The following UNC5C variants were observed in gnomAD, a reference collection of about 807,000 sequenced individuals.
UNC5C encodes netrin receptor UNC5C.
In UNC5C, 47 loss-of-function variants were observed where a neutral mutation model predicts 99.8. That is an observed-to-expected ratio of 0.47 (90% CI 0.37 to 0.60). The LOEUF (loss-of-function observed/expected upper bound fraction) is 0.60. Ranked by LOEUF, UNC5C falls within the 20% of genes least tolerant of loss-of-function variation. The pLI is 0.00. For missense variants in UNC5C, 1,062 were observed against 1,165.9 expected (o/e 0.91, Z 1.30); for synonymous variants, 487 against 452.2 (o/e 1.08, Z -0.98).
At chr4:95,372,213 A>G (rs948118293) in intron 1 of UNC5C, among the ~76,000 whole-genome samples, 4 of 152,228 alleles carry the variant, frequency 2.6e-5, no homozygotes, top group African/African-American at 7.2e-5. Context: ...TTCACTAAAT[A>G]TGCCCGTATT....
chr4:95,272,318 A>G lies in UNC5C; in HGVS notation c.594+5941T>C, dbSNP rs1579286179. Among the ~76,000 whole-genome samples, 2 of 152,352 alleles carry G rather than the reference A, an allele frequency of 1.3e-5. 1 individual carries two copies. The highest frequency in any genetic ancestry group is 4.1e-4 in the South Asian group (2 of 4,828). On this transcript the variant is annotated intron_variant, in intron 4 of 15. Transcript: ENST00000453304. The stretch of plus-strand genomic sequence containing the variant: ...GAATTGATGATTTTTAGAAATCTGC[A>G]TTTTATACTATAGGCTTAAAGCAAC...
chr4:95,202,159 C>G (rs1403175334), intron 12 of UNC5C, among the ~76,000 whole-genome samples: 1 of 152,204 alleles, frequency 6.6e-6, no homozygotes, highest in Non-Finnish European at 1.5e-5. Context: ...TGGCATACTT[C>G]TTTTATTCCT....
chr4:95,482,360 C>G (rs1213687719), intron 1 of UNC5C, among the ~76,000 whole-genome samples: 1 of 152,048 alleles, frequency 6.6e-6, no homozygotes, highest in Non-Finnish European at 1.5e-5. Flanking sequence ...CAGGAAACAA[C>G]AGGTGCTGGA....
chr4:95,234,213 A>T (rs990739918), intron 7 of UNC5C, among the ~76,000 whole-genome samples: 2 of 152,168 alleles, frequency 1.3e-5, no homozygotes, highest in Non-Finnish European at 2.9e-5. Flanking sequence ...GGGATGATAT[A>T]AAGAAACCTA....
At chr4:95,175,709 A>T (rs1056620577) in intron 14 of UNC5C, among the ~76,000 whole-genome samples, 2 of 152,060 alleles carry the variant, frequency 1.3e-5, no homozygotes, top group Admixed American at 6.6e-5. Context: ...GGTGAATCTG[A>T]CAATTATGTG....
At chr4:95,224,851 A>AT (rs1738618342) in intron 7 of UNC5C, among the ~76,000 whole-genome samples, 2 of 123,268 alleles carry the variant, frequency 1.6e-5, no homozygotes, top group East Asian at 3.9e-4. Context: ...ATTAAGGAAG[A>AT]ATTTTTTTTT....
chr4:95,487,861 C>T (rs1243944160), intron 1 of UNC5C, among the ~76,000 whole-genome samples: 1 of 151,678 alleles, frequency 6.6e-6, no homozygotes, highest in Non-Finnish European at 1.5e-5. Context: ...TACTTTATGA[C>T]CTTGCATTCC....
chr4:95,285,815 C>T (rs1011097961), intron 3 of UNC5C, among the ~76,000 whole-genome samples: 32 of 152,072 alleles, frequency 2.1e-4, no homozygotes, highest in South Asian at 6.2e-4. Context: ...TGTAAGGATG[C>T]GGGTATGTGT....
At chr4:95,456,947 A>G (rs903442657) in intron 1 of UNC5C, among the ~76,000 whole-genome samples, 1 of 152,134 alleles carries the variant, frequency 6.6e-6, no homozygotes, top group Non-Finnish European at 1.5e-5. Context: ...AACATGGGCA[A>G]TAAGATGTTA....
intron 1 of UNC5C, among the ~76,000 whole-genome samples, chr4:95,544,170 C>T (rs149834101): frequency 2.7e-4 from 41 of 152,204 alleles, no homozygotes; most frequent in South Asian, 1.7e-3. Context: ...AACTAAGGCA[C>T]GGAAACGTTA....
At chr4:95,433,209 TTAAG>T (rs1374073069) in intron 1 of UNC5C, among the ~76,000 whole-genome samples, 1 of 152,114 alleles carries the variant, frequency 6.6e-6, no homozygotes, top group African/African-American at 2.4e-5. Context: ...ATTTGATAGT[TTAAG>T]TAATGTAAAA....
intron 4 of UNC5C, among the ~76,000 whole-genome samples, chr4:95,275,105 A>G (rs981973671): frequency 6.6e-6 from 1 of 152,160 alleles, no homozygotes; most frequent in Non-Finnish European, 1.5e-5. Flanking sequence ...TCATTAACCA[A>G]TTATTTGGTA....
At chr4:95,302,330 ATGTTTCTC>A (rs1471757509) in intron 2 of UNC5C, among the ~76,000 whole-genome samples, 9 of 152,328 alleles carry the variant, frequency 5.9e-5, no homozygotes, top group Admixed American at 1.3e-4. Context: ...AAAGCCCAAA[ATGTTTCTC>A]TGTAATTGTA....
chr4:95,419,801 T>C (rs1746267142), intron 1 of UNC5C, among the ~76,000 whole-genome samples: 1 of 152,074 alleles, frequency 6.6e-6, no homozygotes, highest in Non-Finnish European at 1.5e-5. Context: ...TAGCAACTAC[T>C]CTTAAACCTG....
In UNC5C at chr4:95,245,521, T is replaced by G. The variant is rs543099359; in HGVS notation, c.776-377A>C. On this transcript the variant is annotated intron_variant, in intron 5 of 15. Transcript: ENST00000453304. ...TACATCTCTATGAAAAGCCTGCAAG[T>G]CAATCTATAGCATGGGAACAGAATA... Among the ~76,000 whole-genome samples the G allele has an allele frequency of 5.5e-4, 84 of 152,284 alleles. 1 individual carries two copies. The highest frequency in any genetic ancestry group is 9.7e-4 in the Non-Finnish European group (66 of 68,018).
intron 1 of UNC5C, among the ~76,000 whole-genome samples, chr4:95,447,648 C>T (rs1344153836): frequency 6.6e-6 from 1 of 152,082 alleles, no homozygotes; most frequent in African/African-American, 2.4e-5. Flanking sequence ...TTACAGGTGC[C>T]TGTCACCACG....
chr4:95,443,000 G>C (rs561612194), intron 1 of UNC5C, among the ~76,000 whole-genome samples: 7 of 152,222 alleles, frequency 4.6e-5, no homozygotes, highest in Non-Finnish European at 1.0e-4. Flanking sequence ...ATTCCAGTTG[G>C]GGAGCATGAG....
Position 95,202,919 on chromosome 4 carries a change from T to G in UNC5C, c.1948A>C (p.Ile650Leu). ...TGGCAGGCCTCTGCATCCAGCTGAA[T>G]GTAGCAGGGGGTGGTGAAGTTTTCC... ...GEENFTTPCY[I>L]QLDAEACHIL... Residue 650 changes from isoleucine to leucine, a missense_variant, in exon 12 of 16, where the codon ATT (isoleucine) becomes CTT (leucine). Physicochemically the swap from Ile to Leu is conservative, Grantham distance 5. Coordinates refer to ENST00000453304, the MANE Select transcript of UNC5C (RefSeq NM_003728.4). 2 of 1,614,150 alleles carry G rather than the reference T, an allele frequency of 1.2e-6. No homozygotes were observed. Among genetic ancestry groups the G allele is most frequent in the Non-Finnish European group, 1.7e-6 (2 of 1,180,030 alleles).
chr4:95,418,146 A>G (rs2149454893), intron 1 of UNC5C, among the ~76,000 whole-genome samples: 1 of 152,334 alleles, frequency 6.6e-6, no homozygotes, highest in South Asian at 2.1e-4. Flanking sequence ...TCTTAGGGAC[A>G]ATTCCTCCAC....
Sources: allele counts gnomAD v4.1 joint callset (sites outside exome capture counted in the v4.1 genomes callset), GRCh38; gene constraint gnomAD v4.1.1; transcripts MANE v1.5; gene names NCBI Gene and HGNC (gene_info 2026-07-23, HGNC 2026-07-21).